Variants in SPOCK3 observed in about 807,000 individuals in gnomAD.
The protein encoded by SPOCK3 is testican-3.
Under a neutral mutation model 56.6 loss-of-function variants are expected in SPOCK3, and 30 were observed. The observed-to-expected ratio is 0.53, with a 90% CI of 0.40 to 0.72. The LOEUF (loss-of-function observed/expected upper bound fraction) is 0.72, where lower values mean the gene tolerates loss of function less well. SPOCK3 is among the 30% of genes least tolerant of loss of function. The probability of loss-of-function intolerance (pLI) is 0.00; values close to 1 mark genes in which losing one functional copy is unlikely to be tolerated. For synonymous variants in SPOCK3, 196 were observed against 183.3 expected, an observed-to-expected ratio of 1.07 and a Z score of -0.56; for missense variants, 527 against 530.0, an observed-to-expected ratio of 0.99 and a Z score of 0.06.
At chr4:166,909,672 T>C (rs1015907428) in intron 5 of SPOCK3, among the ~76,000 whole-genome samples, 15 of 152,042 alleles carry the variant, frequency 9.9e-5, no homozygotes, top group African/African-American at 3.4e-4. Flanking sequence ...CTTTAACATA[T>C]CAGGACTACT....
intron 4 of SPOCK3, among the ~76,000 whole-genome samples, chr4:166,927,739 C>A (rs913245260): frequency 1.3e-5 from 2 of 151,978 alleles, no homozygotes; most frequent in Admixed American, 6.6e-5. Context: ...TATTTCATTA[C>A]AATTAAAAAT....
At chr4:166,852,397 G>A (rs1374025651) in intron 6 of SPOCK3, among the ~76,000 whole-genome samples, 2 of 152,040 alleles carry the variant, frequency 1.3e-5, no homozygotes, top group Admixed American at 6.6e-5. Context: ...GCCATGATAG[G>A]ATAGGAGGTC....
At chr4:167,225,639 A>G (rs79004998) in intron 2 of SPOCK3, among the ~76,000 whole-genome samples, 3,465 of 152,208 alleles carry the variant, frequency 0.023, 132 homozygotes, top group African/African-American at 0.079. Flanking sequence ...GTTTTTCTGT[A>G]GCAAGTATGA....
intron 2 of SPOCK3, among the ~76,000 whole-genome samples, chr4:167,093,481 C>T (rs1016776757): frequency 7.2e-5 from 11 of 152,056 alleles, no homozygotes; most frequent in Non-Finnish European, 1.6e-4. Flanking sequence ...CATGATGTTC[C>T]CATCCCTGTG....
intron 3 of SPOCK3, among the ~76,000 whole-genome samples, chr4:167,015,752 A>G (rs1268204930): frequency 6.6e-6 from 1 of 152,180 alleles, no homozygotes; most frequent in Non-Finnish European, 1.5e-5. Flanking sequence ...AAATTATCCA[A>G]GTAATTGCAT....
At chr4:167,206,522 A>C (rs1734351910) in intron 2 of SPOCK3, among the ~76,000 whole-genome samples, 1 of 152,086 alleles carries the variant, frequency 6.6e-6, no homozygotes, top group East Asian at 1.9e-4. Flanking sequence ...ATGTTGTTTA[A>C]AAAGTTCATC....
At chr4:166,858,990 C>A (rs1343616531) in intron 6 of SPOCK3, among the ~76,000 whole-genome samples, 1 of 152,044 alleles carries the variant, frequency 6.6e-6, no homozygotes, top group Non-Finnish European at 1.5e-5. Flanking sequence ...AATTTGTATC[C>A]CCTGGTAATG....
chr4:166,966,752 A>G (rs1275606609), intron 4 of SPOCK3, among the ~76,000 whole-genome samples: 1 of 152,184 alleles, frequency 6.6e-6, no homozygotes, highest in Admixed American at 6.6e-5. Flanking sequence ...ACACATTATT[A>G]TTACAATAAT....
intron 6 of SPOCK3, among the ~76,000 whole-genome samples, chr4:166,797,971 A>G (rs1474647731): frequency 6.6e-6 from 1 of 152,154 alleles, no homozygotes; most frequent in Non-Finnish European, 1.5e-5. Context: ...ATCATATACA[A>G]TGTTGCTCCC....
At chr4:167,109,568 A>G (rs961108143) in intron 2 of SPOCK3, among the ~76,000 whole-genome samples, 1 of 135,186 alleles carries the variant, frequency 7.4e-6, no homozygotes, top group African/African-American at 2.7e-5. Flanking sequence ...ATATGTTACA[A>G]ATATATATAT....
rs1349606413 is a variant in SPOCK3, at chr4:166,912,578, T to C, written c.474+42A>G. The C allele has an allele frequency of 2.5e-6, 4 of 1,569,502 alleles. No homozygotes were observed. In the Admixed American group the frequency reaches 6.7e-5, roughly 26 times the overall value. On this transcript the variant is annotated intron_variant, in intron 5 of 10. Transcript: ENST00000357545. ...GGTTTTAATCATTTACTAATAAGTA[T>C]GCATCCCTTATTTCAAACTAAACAA...
chr4:166,942,052 T>C (rs531939936), intron 4 of SPOCK3, among the ~76,000 whole-genome samples: 1 of 152,308 alleles, frequency 6.6e-6, no homozygotes, highest in Admixed American at 6.5e-5. Context: ...ACTGTTATAA[T>C]GCCATTTGAT....
chr4:167,145,868 A>G (rs925661027), intron 2 of SPOCK3, among the ~76,000 whole-genome samples: 3 of 152,198 alleles, frequency 2.0e-5, no homozygotes, highest in Non-Finnish European at 4.4e-5. Flanking sequence ...ACCAAATTAT[A>G]AAGACCATAG....
At chr4:167,200,281 T>C (rs1244489115) in intron 2 of SPOCK3, among the ~76,000 whole-genome samples, 3 of 152,096 alleles carry the variant, frequency 2.0e-5, no homozygotes. Flanking sequence ...CACAACAGCA[T>C]CTACTGTTAA....
At chr4:166,871,125 G>T (rs1579489199) in intron 6 of SPOCK3, among the ~76,000 whole-genome samples, 1 of 151,398 alleles carries the variant, frequency 6.6e-6, no homozygotes, top group East Asian at 1.9e-4. Flanking sequence ...GTGTGAGAAT[G>T]GACTAATACA....
intron 2 of SPOCK3, among the ~76,000 whole-genome samples, chr4:167,205,200 A>AATAT: frequency 1.0e-5 from 1 of 96,460 alleles, no homozygotes; most frequent in African/African-American, 4.2e-5. Context: ...TTATATCTAT[A>AATAT]ATATATATTA....
At chr4:166,980,774 G>A (rs1309829445) in intron 4 of SPOCK3, among the ~76,000 whole-genome samples, 1 of 152,210 alleles carries the variant, frequency 6.6e-6, no homozygotes, top group Non-Finnish European at 1.5e-5. Flanking sequence ...GGGGAATGTG[G>A]CAATGCCTAG....
At chr4:166,872,981 C>G (rs60053973) in intron 6 of SPOCK3, among the ~76,000 whole-genome samples, 92,513 of 151,818 alleles carry the variant, frequency 0.61, 28,728 homozygotes, top group South Asian at 0.75. Context: ...TTTTTAACAA[C>G]CTTCTTTCTC....
intron 2 of SPOCK3, among the ~76,000 whole-genome samples, chr4:167,132,047 C>T (rs147099779): frequency 0.019 from 2,876 of 152,186 alleles, 45 homozygotes; most frequent in Non-Finnish European, 0.032. Flanking sequence ...GAAACAAATA[C>T]CAACACCAAT....
Sources: gnomAD v4.1 joint callset for allele counts (sites outside exome capture counted in the v4.1 genomes callset) on GRCh38, gnomAD v4.1.1 for gene constraint, MANE v1.5 for transcripts, NCBI Gene and HGNC (gene_info 2026-07-23, HGNC 2026-07-21) for gene names.